AARS1: variants seen among roughly 807,000 people sequenced by gnomAD.
AARS1 encodes the protein alanine--tRNA ligase, cytoplasmic.
Under a neutral mutation model 108.9 loss-of-function variants are expected in AARS1, and 72 were observed. That is an observed-to-expected ratio of 0.66 (90% CI 0.55 to 0.80). The LOEUF is 0.80. AARS1 is among the 30% of genes least tolerant of loss of function. The pLI is 0.00. For synonymous variants in AARS1, 489 were observed against 465.7 expected (o/e 1.05, Z -0.64); for missense variants, 1,193 against 1,233.2 (o/e 0.97, Z 0.49).
intron 15 of AARS1, among the ~76,000 whole-genome samples, chr16:70,256,253 G>A (rs1291758697): frequency 6.6e-6 from 1 of 152,154 alleles, no homozygotes; most frequent in African/African-American, 2.4e-5. Flanking sequence ...TCAGTTCAGA[G>A]AACCTCAAAT....
At position 70,255,557 on chromosome 16, in the gene AARS1, C is replaced by G. The variant is rs376435518; in HGVS notation, c.2286+171G>C. Among the ~76,000 whole-genome samples, 23 of 152,242 alleles carry G rather than the reference C, an allele frequency of 1.5e-4. No homozygotes were observed. The South Asian group carries it at 4.6e-3, about 30-fold the overall frequency. ...AAAGCTAGGAGATCTTGTGTGGTGG[C>G]AGGTTTCTTCTGCCACTCAGGGGTA... is the stretch of plus-strand genomic sequence containing the variant. On this transcript the variant is annotated intron_variant, in intron 16 of 20. Coordinates refer to ENST00000261772, the MANE Select transcript of AARS1 (RefSeq NM_001605.3).
At position 70,252,439 on chromosome 16, in the gene AARS1, C is replaced by T; in HGVS notation, c.*282G>A. The T allele has an allele frequency of 3.9e-6, 2 of 512,636 alleles. No individual in the cohort carries two copies. Among genetic ancestry groups the T allele is most frequent in the South Asian group, 4.3e-5 (2 of 46,096 alleles). 31.8% of individuals were successfully genotyped at this position (512,636 alleles called of 1,614,324 possible). On this transcript the variant is annotated 3_prime_UTR_variant, in exon 21 of 21. Coordinates refer to ENST00000261772, the MANE Select transcript of AARS1 (RefSeq NM_001605.3). ...CTGCAGCAAAAACGATTCCTACTTG[C>T]TGACGCGGAAAGCTCAGGTCTGGAG...
rs1328218106 is a variant in AARS1 at position 70,262,377 on chromosome 16, T to C, written c.1640A>G (p.Tyr547Cys). ...EQGGQIYDEG[Y>C]LVKVDDSSED... The stretch of plus-strand genomic sequence containing the variant: ...ACTGCTGTCATCCACCTTCACCAGG[T>C]AGCCTTCGTCATAGATCTGGCCTCC... The change falls in exon 12 of 21, where the codon TAC becomes TGC. Residue 547 changes from tyrosine (Y) to cysteine (C), a missense_variant. By Grantham distance (194) the Tyr-to-Cys change is radical. Transcript: ENST00000261772. 10 of 1,614,216 alleles carry C rather than the reference T, an allele frequency of 6.2e-6. No individual in the cohort carries two copies. The highest frequency in any genetic ancestry group is 7.6e-6 in the Non-Finnish European group (9 of 1,180,036).
At chr16:70,288,098 C>CTT (rs34369477) in intron 1 of AARS1, among the ~76,000 whole-genome samples, 8,595 of 83,758 alleles carry the variant, frequency 0.1, 611 homozygotes, top group East Asian at 0.15. Context: ...TCCCCTTCTT[C>CTT]TTTTTTTTTT....
chr16:70,255,688 C>A, intron 16 of AARS1, 40 bp downstream of exon 16: 1 of 1,574,660 alleles, frequency 6.4e-7, no homozygotes, highest in Non-Finnish European at 8.7e-7. Flanking sequence ...GCTCCTCTTG[C>A]CTTCTTCAGA....
At position 70,267,841 on chromosome 16, in the gene AARS1, A is replaced by G. The variant is rs1169977956; in HGVS notation, c.1072-32T>C. 4.3e-6 allele frequency: 7 copies of G among 1,613,956 alleles called. No homozygotes were observed. The African/African-American group carries it at 8.0e-5, about 18-fold the overall frequency. On this transcript the variant is annotated intron_variant, in intron 8 of 20. Coordinates refer to ENST00000261772, the MANE Select transcript of AARS1 (RefSeq NM_001605.3). Reference sequence around the variant, plus strand: ...AAGGGGAAGCAAGATGAGGGGCTGGATGAAGCCAGAGACTGTTCCCTGCCC... The same window carrying G: ...AAGGGGAAGCAAGATGAGGGGCTGGGTGAAGCCAGAGACTGTTCCCTGCCC...
intron 4 of AARS1, among the ~76,000 whole-genome samples, chr16:70,275,303 T>C (rs556070625): frequency 6.6e-6 from 1 of 151,194 alleles, no homozygotes; most frequent in African/African-American, 2.4e-5. Flanking sequence ...ATTGAACATA[T>C]TAAGAAGCAA....
At chr16:70,274,679 G>A (rs1041363716) in intron 4 of AARS1, among the ~76,000 whole-genome samples, 10 of 150,546 alleles carry the variant, frequency 6.6e-5, no homozygotes, top group East Asian at 5.9e-4. Flanking sequence ...AGCTGAGATC[G>A]CGTCATTGCA....
At chr16:70,262,639 C>G in intron 11 of AARS1, 115 bp from the exon 12 acceptor site, 1 of 1,122,440 alleles carries the variant, frequency 8.9e-7, no homozygotes, top group Non-Finnish European at 1.2e-6. Flanking sequence ...CCTAATTGTC[C>G]AATTGTATTT....
intron 1 of AARS1, among the ~76,000 whole-genome samples, chr16:70,285,899 C>G (rs1960827665): frequency 6.6e-6 from 1 of 152,188 alleles, no homozygotes; most frequent in African/African-American, 2.4e-5. Context: ...TAGAGATGTA[C>G]AAAGTGAACA....
chr16:70,283,552 G>A (rs1343521493), intron 1 of AARS1, among the ~76,000 whole-genome samples: 3 of 152,194 alleles, frequency 2.0e-5, no homozygotes, highest in East Asian at 3.9e-4. Flanking sequence ...AAAAGGAGGG[G>A]TCCATATGAG....
chr16:70,267,833 G>C, intron 8 of AARS1, 24 bp from the exon 9 acceptor site: 1 of 1,614,110 alleles, frequency 6.2e-7, no homozygotes, highest in African/African-American at 1.3e-5. Context: ...AGCAAGATGA[G>C]GGGCTGGATG....
chr16:70,270,469 T>G (rs1361264251), intron 5 of AARS1, 129 bp from the exon 6 acceptor site: 1 of 1,152,192 alleles, frequency 8.7e-7, no homozygotes, highest in Non-Finnish European at 1.3e-6. Flanking sequence ...CCCGGTTTGG[T>G]GGGAAGAGGG....
chr16:70,258,304 G>T, intron 14 of AARS1, 87 bp from the exon 15 acceptor site: 1 of 1,473,698 alleles, frequency 6.8e-7, no homozygotes, highest in Non-Finnish European at 9.2e-7. Flanking sequence ...CCTGCAGGCA[G>T]GACTCGGGTT....
At chr16:70,259,229 T>C (rs1960076089) in intron 13 of AARS1, 43 bp from the exon 14 acceptor site, 1 of 1,576,874 alleles carries the variant, frequency 6.3e-7, no homozygotes, top group Non-Finnish European at 8.7e-7. Context: ...TGTAATAGAC[T>C]GCTAGTTATC....
Position 70,277,145 on chromosome 16 carries a change from T to C in AARS1, c.154A>G (p.Ile52Val), listed in dbSNP as rs1445504300. The C allele has an allele frequency of 6.2e-7, 1 of 1,613,866 alleles. No homozygotes were observed. Among genetic ancestry groups the C allele is most frequent in the African/African-American group, 1.3e-5 (1 of 74,952 alleles). ...GATGGGTCAATTGTGTTCAGGAAAA[T>C]GGGTTTAAACTAAAAGAGAAGGACA... ...ANAGMNQFKP[I>V]FLNTIDPSHP... Residue 52 changes from isoleucine to valine, a missense_variant, in exon 3 of 21, where the codon ATT becomes GTT. Ile to Val is a conservative substitution (Grantham distance 29). Coordinates refer to ENST00000261772, the MANE Select transcript of AARS1 (RefSeq NM_001605.3).
At chr16:70,265,199 C>T in intron 10 of AARS1, 97 bp from the exon 11 acceptor site, 1 of 1,477,018 alleles carries the variant, frequency 6.8e-7, no homozygotes, top group Non-Finnish European at 9.4e-7. Context: ...CATAAACTGC[C>T]AGAACAGGGT....
At position 70,252,451 on chromosome 16, in the gene AARS1, G is replaced by T. The variant is rs1429478333; in HGVS notation, c.*270C>A. The T allele has an allele frequency of 3.7e-6, 2 of 534,322 alleles. No individual in the cohort carries two copies. Among genetic ancestry groups the T allele is most frequent in the East Asian group, 6.6e-5 (2 of 30,182 alleles). The allele number at this position is 534,322 out of a possible 1,614,324, so 33.1% of individuals were successfully genotyped here. On this transcript the variant is annotated 3_prime_UTR_variant, in exon 21 of 21. Transcript: ENST00000261772. The stretch of plus-strand genomic sequence containing the variant: ...CGATTCCTACTTGCTGACGCGGAAA[G>T]CTCAGGTCTGGAGAGCCGTTATCTA...
rs1222591439 is a variant in AARS1 at position 70,265,108 on chromosome 16, A to C, written c.1348-6T>G. 1 of 1,614,116 alleles carries C rather than the reference A, an allele frequency of 6.2e-7. No homozygotes were observed. The stretch of plus-strand genomic sequence containing the variant: ...CCCTTGCCCTGTGATTTCAGCTGTC[A>C]GCAAGAGAAACAAGCATAAGTTACC... On this transcript the variant is annotated splice_region_variant and splice_polypyrimidine_tract_variant and intron_variant, in intron 10 of 20. Coordinates refer to ENST00000261772, the MANE Select transcript of AARS1 (RefSeq NM_001605.3).
Sources: gnomAD v4.1 joint callset for allele counts (sites outside exome capture counted in the v4.1 genomes callset) on GRCh38, gnomAD v4.1.1 for gene constraint, MANE v1.5 for transcripts, NCBI Gene and HGNC (gene_info 2026-07-23, HGNC 2026-07-21) for gene names.